The following CHST15 variants were observed in gnomAD, a reference collection of about 807,000 sequenced individuals.
The protein encoded by CHST15 is B cell RAG associated protein (GALNAC4S-6ST).
Under a neutral mutation model 53.6 loss-of-function variants are expected in CHST15, and 30 were observed. That is an observed-to-expected ratio of 0.56 (90% CI 0.42 to 0.76). The LOEUF (loss-of-function observed/expected upper bound fraction) is 0.76, where lower values mean the gene tolerates loss of function less well. Among genes scored for constraint, CHST15 ranks in the 30% least tolerant of loss-of-function variants. CHST15 has a pLI of 0.00. For synonymous variants in CHST15, 296 were observed against 289.8 expected, an observed-to-expected ratio of 1.02 and a Z score of -0.22; for missense variants, 627 against 740.5, an observed-to-expected ratio of 0.85 and a Z score of 1.78.
At chr10:124,034,194 T>C (rs936156387) in intron 5 of CHST15, among the ~76,000 whole-genome samples, 2 of 152,218 alleles carry the variant, frequency 1.3e-5, no homozygotes, top group South Asian at 2.1e-4. Context: ...TGTGTTTGAA[T>C]TGACCAACTA....
intron 1 of CHST15, among the ~76,000 whole-genome samples, chr10:124,078,982 T>C (rs1949157881): frequency 6.6e-6 from 1 of 152,154 alleles, no homozygotes; most frequent in Admixed American, 6.5e-5. Context: ...TGAGGCAGCA[T>C]ATAGGAGTGC....
chr10:124,020,188 T>C (rs934844744), intron 6 of CHST15: 3 of 985,468 alleles, frequency 3.0e-6, no homozygotes, highest in Non-Finnish European at 3.6e-6. Context: ...GACAGACCCA[T>C]CACAACAGCC....
At chr10:124,062,920 TG>T (rs1564899365) in intron 1 of CHST15, among the ~76,000 whole-genome samples, 1 of 151,930 alleles carries the variant, frequency 6.6e-6, no homozygotes, top group Non-Finnish European at 1.5e-5. Flanking sequence ...TTTCAAGAGT[TG>T]GGGGGCTTGG....
intron 1 of CHST15, among the ~76,000 whole-genome samples, chr10:124,050,152 C>G (rs1158818824): frequency 6.6e-6 from 1 of 152,176 alleles, no homozygotes; most frequent in African/African-American, 2.4e-5. Flanking sequence ...GATGGACAAG[C>G]AATCTGAAGA....
chr10:124,009,334 A>C lies in CHST15; in HGVS notation c.*815T>G, dbSNP rs910441670. The C allele has an allele frequency of 2.9e-6, 3 of 1,045,918 alleles. No homozygotes were observed. Among genetic ancestry groups the C allele is most frequent in the Non-Finnish European group, 3.5e-6 (3 of 863,414 alleles). 64.8% of individuals were successfully genotyped at this position (1,045,918 alleles called of 1,614,324 possible). A position where few individuals can be genotyped will look rare whatever the true frequency, so the allele number is the denominator to read the frequency against. On this transcript the variant is annotated 3_prime_UTR_variant, in exon 8 of 8. Coordinates refer to ENST00000435907, the MANE Select transcript of CHST15 (RefSeq NM_001270764.2). The stretch of plus-strand genomic sequence containing the variant: ...ACGTATGAAGAGGCAGCAGAGAGAG[A>C]GCCAGGACTGGTTAAATGCAGAAAG...
chr10:124,011,614 C>T, intron 7 of CHST15: 1 of 985,472 alleles, frequency 1.0e-6, no homozygotes, highest in Non-Finnish European at 1.2e-6. Flanking sequence ...GCCCCGTCCA[C>T]ATGGGCAGCA....
At chr10:124,031,096 T>G (rs1342146889) in intron 5 of CHST15, among the ~76,000 whole-genome samples, 1 of 152,214 alleles carries the variant, frequency 6.6e-6, no homozygotes, top group East Asian at 1.9e-4. Context: ...GCAACCAAGG[T>G]TAAGCCTCCA....
At chr10:124,053,457 T>C (rs2068685989) in intron 1 of CHST15, among the ~76,000 whole-genome samples, 1 of 151,598 alleles carries the variant, frequency 6.6e-6, no homozygotes, top group Admixed American at 6.6e-5. Context: ...AGCCAATTCC[T>C]AAAGACACCA....
intron 6 of CHST15, among the ~76,000 whole-genome samples, chr10:124,017,406 G>C (rs1283012836): frequency 6.6e-6 from 1 of 152,142 alleles, no homozygotes; most frequent in Non-Finnish European, 1.5e-5. Context: ...GTCCTCATCT[G>C]CTGACAGTGA....
rs1467589368 is a variant in CHST15, at chr10:124,036,764, AAC to A, written c.1190+1749_1190+1750del. Among the ~76,000 whole-genome samples the A allele has an allele frequency of 6.6e-6, 1 of 152,222 alleles. No homozygotes were observed. Among genetic ancestry groups the A allele is most frequent in the African/African-American group, 2.4e-5 (1 of 41,440 alleles). ...CTAGGTGAGAAATTAATAGTTTGAA[AAC>A]AGTTTTCCAATATATGTTCCAAAAT... On this transcript the variant is annotated intron_variant, in intron 5 of 7. Transcript: ENST00000435907. The surrounding 1 kb of genome is among the most constrained non-coding windows in gnomAD (Gnocchi z 5.1).
intron 6 of CHST15, among the ~76,000 whole-genome samples, chr10:124,013,289 G>A (rs186230414): frequency 6.6e-6 from 1 of 152,314 alleles, no homozygotes; most frequent in Non-Finnish European, 1.5e-5. Context: ...ACTCTGGTAG[G>A]ACTGGAGACT....
intron 1 of CHST15, among the ~76,000 whole-genome samples, chr10:124,082,803 A>G (rs993449204): frequency 2.6e-5 from 4 of 152,264 alleles, no homozygotes; most frequent in Admixed American, 1.3e-4. Context: ...ACAGAGTAAA[A>G]GAAGCCAGTC....
chr10:124,070,382 G>C (rs1948877084), intron 1 of CHST15, among the ~76,000 whole-genome samples: 1 of 152,026 alleles, frequency 6.6e-6, no homozygotes, highest in African/African-American at 2.4e-5. Context: ...TTTTTGTTTT[G>C]TTTTGTTTTT....
In CHST15 at chr10:124,009,502, C is replaced by T. The variant is rs1461302294; in HGVS notation, c.*647G>A. 2 of 988,010 alleles carry T rather than the reference C, an allele frequency of 2.0e-6. No homozygotes were observed. Among genetic ancestry groups the T allele is most frequent in the African/African-American group, 1.8e-5 (1 of 57,006 alleles). 61.2% of individuals were successfully genotyped at this position (988,010 alleles called of 1,614,324 possible). ...GAAACAGTGACGTTAACAGGGTTTACATCTGAAGAAACTGGAGGGCTGAGT... is the reference window on the plus strand; with the variant it reads ...GAAACAGTGACGTTAACAGGGTTTATATCTGAAGAAACTGGAGGGCTGAGT... On this transcript the variant is annotated 3_prime_UTR_variant, in exon 8 of 8. Coordinates refer to ENST00000435907, the MANE Select transcript of CHST15 (RefSeq NM_001270764.2).
rs1008720073 is a variant in CHST15 at position 124,031,710 on chromosome 10, TA to T, written c.1190+6804del. Among the ~76,000 whole-genome samples, 8 of 152,332 alleles carry T rather than the reference TA, an allele frequency of 5.3e-5. No homozygotes were observed. The East Asian group carries it at 1.5e-3, about 29-fold the overall frequency. On this transcript the variant is annotated intron_variant, in intron 5 of 7. Coordinates refer to ENST00000435907, the MANE Select transcript of CHST15 (RefSeq NM_001270764.2). ...ATACCTAATAATAATAATAGTTACA[TA>T]TTTTCCATTTGTCAAGCACTGTTTA... is the stretch of plus-strand genomic sequence containing the variant.
At chr10:124,018,816 G>A (rs1294001594) in intron 6 of CHST15, among the ~76,000 whole-genome samples, 1 of 152,194 alleles carries the variant, frequency 6.6e-6, no homozygotes, top group Non-Finnish European at 1.5e-5. Flanking sequence ...TGCAGGTGGA[G>A]GTTACAATGA....
intron 1 of CHST15, among the ~76,000 whole-genome samples, chr10:124,054,788 A>G (rs998329622): frequency 7.2e-5 from 11 of 152,240 alleles, no homozygotes; most frequent in South Asian, 2.1e-4. Flanking sequence ...CACATACACA[A>G]AATGCTTAAC....
At position 124,042,466 on chromosome 10, in the gene CHST15, A is replaced by G; in HGVS notation, c.887-19T>C. 6.2e-7 allele frequency: 1 copy of G among 1,611,724 alleles called. No homozygotes were observed. Among genetic ancestry groups the G allele is most frequent in the Non-Finnish European group, 8.5e-7 (1 of 1,177,968 alleles). On this transcript the variant is annotated intron_variant, in intron 3 of 7. Transcript: ENST00000435907. ...ACGATTCCTATGAGAACCAAGAAGC[A>G]GGAGATACTGAGGACAAAGTTGCTA...
intron 1 of CHST15, among the ~76,000 whole-genome samples, chr10:124,050,708 A>G (rs1044480841): frequency 2.6e-5 from 4 of 152,226 alleles, no homozygotes; most frequent in Admixed American, 6.5e-5. Flanking sequence ...GTTGGAGGAG[A>G]AACCTGAACA....
Sources: gnomAD v4.1 joint callset for allele counts (sites outside exome capture counted in the v4.1 genomes callset) on GRCh38, gnomAD v4.1.1 for gene constraint, Gnocchi (gnomAD v3.1) non-coding constraint, MANE v1.5 for transcripts, NCBI Gene and HGNC (gene_info 2026-07-23, HGNC 2026-07-21) for gene names.